Variants in SHISA9 observed in about 807,000 individuals in gnomAD.
The protein encoded by SHISA9 is shisa family member 9, also known as protein shisa-9.
SHISA9 carries 13 observed loss-of-function variants against 38.0 expected under a neutral mutation model. The observed-to-expected ratio is 0.34, with a 90% CI of 0.22 to 0.54. The LOEUF is 0.54. Among genes scored for constraint, SHISA9 ranks in the 20% least tolerant of loss-of-function variants. The pLI is 0.91. For missense variants in SHISA9, 538 were observed against 575.8 expected (o/e 0.93, Z 0.67); for synonymous variants, 275 against 242.0 (o/e 1.14, Z -1.27).
the SHISA9 span, among the ~76,000 whole-genome samples, chr16:13,297,071 T>C: frequency 5.8e-3 from 882 of 152,238 alleles, 7 homozygotes; most frequent in African/African-American, 0.02. Context: ...AAGCAAATAT[T>C]AATATCCAGA....
chr16:13,019,381 C>A (rs928160537), intron 2 of SHISA9, among the ~76,000 whole-genome samples: 2 of 152,068 alleles, frequency 1.3e-5, no homozygotes, highest in African/African-American at 4.8e-5. Flanking sequence ...TGGGGGAAGC[C>A]TTCCCGGCTT....
chr16:13,245,727 C>T, the SHISA9 span, among the ~76,000 whole-genome samples: 9 of 152,152 alleles, frequency 5.9e-5, no homozygotes, highest in South Asian at 2.1e-4. Context: ...TCTGGCCTAT[C>T]GTGTGTGCTG....
chr16:13,421,188 G>T, the SHISA9 span, among the ~76,000 whole-genome samples: 1 of 135,372 alleles, frequency 7.4e-6, no homozygotes, highest in Non-Finnish European at 1.6e-5. Context: ...TAGAGACAGT[G>T]CCATTTCTTC....
At chr16:13,539,481 C>G in the SHISA9 span, among the ~76,000 whole-genome samples, 3 of 151,468 alleles carry the variant, frequency 2.0e-5, no homozygotes, top group Non-Finnish European at 4.4e-5. Context: ...TTGGCCCTAA[C>G]CAATGCATTC....
the SHISA9 span, among the ~76,000 whole-genome samples, chr16:13,466,948 G>A: frequency 6.6e-6 from 1 of 152,192 alleles, no homozygotes; most frequent in Middle Eastern, 3.2e-3. Flanking sequence ...TGGGATTAGT[G>A]CAGTTTTGGT....
Position 13,105,538 on chromosome 16 carries a change from G to A in SHISA9, c.692-97856G>A, listed in dbSNP as rs573085044. 3.3e-5 allele frequency among the ~76,000 whole-genome samples: 5 copies of A among 152,312 alleles called. No individual in the cohort carries two copies. In the East Asian group the frequency reaches 5.8e-4, roughly 18 times the overall value. On this transcript the variant is annotated intron_variant, in intron 2 of 4. Transcript: ENST00000558583. Reference sequence around the variant, plus strand: ...GTAGGATGTCCCCATGGGGCTTCCCGCAGCCTCCCAATTAGACTGGTTGTG... The same window carrying A: ...GTAGGATGTCCCCATGGGGCTTCCCACAGCCTCCCAATTAGACTGGTTGTG...
chr16:13,412,427 C>T, the SHISA9 span, among the ~76,000 whole-genome samples: 1 of 152,104 alleles, frequency 6.6e-6, no homozygotes, highest in African/African-American at 2.4e-5. Context: ...TTTCTTTCTT[C>T]TCTATTCCTT....
intron 2 of SHISA9, among the ~76,000 whole-genome samples, chr16:13,176,028 G>A (rs1432974712): frequency 6.6e-6 from 1 of 151,996 alleles, no homozygotes; most frequent in Non-Finnish European, 1.5e-5. Context: ...AGTAGGCATA[G>A]CATTTTTTTC....
intron 2 of SHISA9, among the ~76,000 whole-genome samples, chr16:12,968,760 A>T (rs1170153859): frequency 6.6e-6 from 1 of 152,146 alleles, no homozygotes; most frequent in Non-Finnish European, 1.5e-5. Context: ...CTTGTGAGTG[A>T]TGTGGGGTGT....
downstream of SHISA9, among the ~76,000 whole-genome samples, chr16:13,244,879 A>T (rs1289870276): frequency 6.6e-6 from 1 of 152,230 alleles, no homozygotes; most frequent in Non-Finnish European, 1.5e-5. Context: ...ACAAAGTCCC[A>T]GGTCGGTGCT....
the SHISA9 span, among the ~76,000 whole-genome samples, chr16:13,518,250 A>G: frequency 1.3e-5 from 2 of 151,586 alleles, no homozygotes; most frequent in Non-Finnish European, 2.9e-5. Context: ...CTAACCTCCA[A>G]ATGCTCTCGG....
chr16:13,137,936 C>T (rs971579677), intron 2 of SHISA9, among the ~76,000 whole-genome samples: 32 of 152,092 alleles, frequency 2.1e-4, no homozygotes, highest in Non-Finnish European at 4.4e-4. Flanking sequence ...CAGGACTAAG[C>T]GCAAGTAGAT....
At chr16:12,935,564 C>G (rs2071518593) in intron 2 of SHISA9, among the ~76,000 whole-genome samples, 1 of 152,196 alleles carries the variant, frequency 6.6e-6, no homozygotes, top group East Asian at 1.9e-4. Context: ...TTAGAAGGGA[C>G]AGGCCGGGCC....
chr16:13,038,525 C>T (rs2073099286), intron 2 of SHISA9, among the ~76,000 whole-genome samples: 1 of 152,196 alleles, frequency 6.6e-6, no homozygotes, highest in Non-Finnish European at 1.5e-5. Flanking sequence ...TTTCTGCCTC[C>T]TCAGGACTTT....
the SHISA9 span, among the ~76,000 whole-genome samples, chr16:13,294,017 C>A: frequency 6.6e-6 from 1 of 152,130 alleles, no homozygotes; most frequent in Non-Finnish European, 1.5e-5. Context: ...GAATTTTTGA[C>A]CCCATCATGT....
At chr16:13,557,667 G>A in the SHISA9 span, among the ~76,000 whole-genome samples, 43 of 152,130 alleles carry the variant, frequency 2.8e-4, 1 homozygote, top group Non-Finnish European at 7.4e-5. Flanking sequence ...GTGCGCTAAT[G>A]GAACTTTGAG....
At chr16:13,203,662 T>C (rs945813168) in intron 3 of SHISA9, 113 bp downstream of exon 3, 4 of 1,152,254 alleles carry the variant, frequency 3.5e-6, no homozygotes, top group African/African-American at 3.2e-5. Flanking sequence ...TCTAGCTCTC[T>C]TTTTTTCTCT....
chr16:13,111,287 T>A (rs574934585), intron 2 of SHISA9, among the ~76,000 whole-genome samples: 1 of 151,036 alleles, frequency 6.6e-6, no homozygotes, highest in East Asian at 2.0e-4. Context: ...ATTTTTGCAA[T>A]CTATCCATCT....
intron 2 of SHISA9, among the ~76,000 whole-genome samples, chr16:12,976,952 C>A (rs34460306): frequency 6.6e-6 from 1 of 152,006 alleles, no homozygotes; most frequent in Admixed American, 6.6e-5. Flanking sequence ...TTGAGGGTTG[C>A]GTGGTTTCTC....
Sources: allele counts gnomAD v4.1 joint callset (sites outside exome capture counted in the v4.1 genomes callset), GRCh38; gene constraint gnomAD v4.1.1; transcripts MANE v1.5; gene names NCBI Gene and HGNC (gene_info 2026-07-23, HGNC 2026-07-21).